NAV2: variants seen among roughly 807,000 people sequenced by gnomAD.
NAV2 encodes helicase, APC down-regulated 1.
A neutral mutation model predicts 223.2 loss-of-function variants in NAV2; 54 were observed. That is an observed-to-expected ratio of 0.24 (90% CI 0.19 to 0.30). The LOEUF (loss-of-function observed/expected upper bound fraction) is 0.30, where lower values mean the gene tolerates loss of function less well. Among genes scored for constraint, NAV2 ranks in the 10% least tolerant of loss-of-function variants. NAV2 has a pLI of 1.00. For missense variants in NAV2, 2,806 were observed against 3,147.5 expected, an observed-to-expected ratio of 0.89 and a Z score of 2.60; for synonymous variants, 1,279 against 1,239.3, an observed-to-expected ratio of 1.03 and a Z score of -0.67.
intron 1 of NAV2, among the ~76,000 whole-genome samples, chr11:19,828,655 A>AT (rs137970790): frequency 0.033 from 4,775 of 146,682 alleles, 204 homozygotes; most frequent in African/African-American, 0.11. Context: ...CACCCGGCTA[A>AT]TTTTTTGTGT....
In NAV2 at chr11:19,946,518, A is replaced by T; in HGVS notation, c.2255+9A>T. The T allele has an allele frequency of 2.5e-6, 4 of 1,605,414 alleles. No homozygotes were observed. The highest frequency in any genetic ancestry group is 3.4e-6 in the Non-Finnish European group (4 of 1,173,854). ...ACTCAGGTTACACACAGGTATCTGC[A>T]GTGTGAATTACTTTACTGAACTACC... On this transcript the variant is annotated intron_variant, in intron 9 of 37. Transcript: ENST00000349880.
chr11:19,713,564 T>C lies in NAV2; in HGVS notation c.-132T>C. ...CGAGTTCCCCGACCTGGGGATTTTT[T>C]TTTTAGCCGCTGGTGGTGGGCGCCT... On this transcript the variant is annotated 5_prime_UTR_variant, in exon 1 of 38. Transcript: ENST00000349880. The surrounding 1 kb of genome is among the most constrained non-coding windows in gnomAD (Gnocchi z 7.2). 1.4e-6 allele frequency: 2 copies of C among 1,400,324 alleles called. No individual in the cohort carries two copies. Among genetic ancestry groups the C allele is most frequent in the South Asian group, 1.7e-5 (1 of 57,170 alleles). 86.7% of individuals were successfully genotyped at this position (1,400,324 alleles called of 1,614,324 possible).
chr11:19,863,984 G>A (rs1190512327), intron 3 of NAV2, among the ~76,000 whole-genome samples: 1 of 152,200 alleles, frequency 6.6e-6, no homozygotes, highest in Admixed American at 6.5e-5. Flanking sequence ...ACTTCTGGGA[G>A]GAAGTTGAGT....
intron 12 of NAV2, among the ~76,000 whole-genome samples, chr11:20,042,569 G>A (rs1048676736): frequency 6.6e-6 from 1 of 152,182 alleles, no homozygotes; most frequent in Non-Finnish European, 1.5e-5. Context: ...AAGGGGAGAA[G>A]GGGTTGGGGT....
At chr11:19,859,137 C>CTCTTTTTTTTTTTTTT (rs1467179579) in intron 3 of NAV2, among the ~76,000 whole-genome samples, 2 of 107,110 alleles carry the variant, frequency 1.9e-5, no homozygotes, top group Non-Finnish European at 3.8e-5. Flanking sequence ...ATCATATTCT[C>CTCTTTTTTTTTTTTTT]TTTTTTTTTT....
At chr11:19,692,164 A>G (rs956190822) in intron 1 of NAV2, among the ~76,000 whole-genome samples, 10 of 152,146 alleles carry the variant, frequency 6.6e-5, no homozygotes, top group Non-Finnish European at 1.5e-4. Context: ...GAGCATGCAG[A>G]CTCACTGGGA....
At chr11:19,860,163 C>G (rs1241763398) in intron 3 of NAV2, among the ~76,000 whole-genome samples, 6 of 135,912 alleles carry the variant, frequency 4.4e-5, no homozygotes, top group South Asian at 2.4e-4. Context: ...GCTGGCCAGG[C>G]GGGGGGCTGA....
chr11:19,665,396 C>T (rs757954815), intron 1 of NAV2, among the ~76,000 whole-genome samples: 6 of 152,160 alleles, frequency 3.9e-5, no homozygotes, highest in Non-Finnish European at 7.3e-5. Flanking sequence ...GATGAGGGGG[C>T]GGTTGCCTGA....
At chr11:19,653,463 C>T (rs774844102) in intron 1 of NAV2, among the ~76,000 whole-genome samples, 1 of 152,228 alleles carries the variant, frequency 6.6e-6, no homozygotes, top group Non-Finnish European at 1.5e-5. Context: ...ATATTCCTCA[C>T]TGTACCCAGA....
At chr11:19,978,347 A>G (rs1039769847) in intron 10 of NAV2, among the ~76,000 whole-genome samples, 10 of 152,224 alleles carry the variant, frequency 6.6e-5, no homozygotes, top group African/African-American at 2.4e-4. Flanking sequence ...CTGTGAAAGC[A>G]TATGATGTTT....
intron 1 of NAV2, among the ~76,000 whole-genome samples, chr11:19,478,071 C>A (rs1245992708): frequency 1.3e-5 from 2 of 152,064 alleles, no homozygotes; most frequent in Non-Finnish European, 2.9e-5. Context: ...CTCAAAGAGC[C>A]CTTATACGGG....
intron 11 of NAV2, among the ~76,000 whole-genome samples, chr11:20,025,657 T>TG (rs1273647978): frequency 1.3e-5 from 2 of 152,210 alleles, no homozygotes; most frequent in African/African-American, 4.8e-5. Context: ...AAAGGTGCGG[T>TG]GGGGTGAAAC....
At chr11:19,596,173 T>C (rs1321839394) in intron 1 of NAV2, among the ~76,000 whole-genome samples, 2 of 152,180 alleles carry the variant, frequency 1.3e-5, no homozygotes, top group Non-Finnish European at 2.9e-5. Flanking sequence ...AAGGCTGGCA[T>C]GGGGAATGAT....
chr11:19,555,034 T>G (rs957457501), intron 1 of NAV2, among the ~76,000 whole-genome samples: 1 of 146,746 alleles, frequency 6.8e-6, no homozygotes, highest in African/African-American at 2.7e-5. Context: ...AAAAATCTTA[T>G]CTACCCATGT....
rs1353143858 is a variant in NAV2 at position 19,860,381 on chromosome 11, A to G, written c.439-8544A>G. ...GGGCGGCCGGGCAGAGACGCTCCTC[A>G]CATCCCGGACGGGGCGACAGGGCAG... On this transcript the variant is annotated intron_variant, in intron 3 of 37. Coordinates refer to ENST00000349880, the MANE Select transcript of NAV2 (RefSeq NM_145117.5). Among the ~76,000 whole-genome samples, 5 of 146,014 alleles carry G rather than the reference A, an allele frequency of 3.4e-5. No homozygotes were observed. The South Asian group carries it at 9.0e-4, about 26-fold the overall frequency.
intron 11 of NAV2, among the ~76,000 whole-genome samples, chr11:20,024,359 A>G (rs1474521693): frequency 6.6e-6 from 1 of 152,164 alleles, no homozygotes; most frequent in Non-Finnish European, 1.5e-5. Context: ...CTGGTTCAGG[A>G]AGACTTGATC....
chr11:19,457,041 T>A (rs1352929880), intron 1 of NAV2, among the ~76,000 whole-genome samples: 3 of 152,224 alleles, frequency 2.0e-5, no homozygotes, highest in African/African-American at 7.2e-5. Flanking sequence ...TCTTTTCATT[T>A]ATTTTTAAAT....
At chr11:20,112,276 C>T (rs7108158) in intron 36 of NAV2, among the ~76,000 whole-genome samples, 16,310 of 152,160 alleles carry the variant, frequency 0.11, 1,466 homozygotes, top group African/African-American at 0.25. Context: ...AATTGCTTTT[C>T]AAATGCCAGA....
intron 1 of NAV2, among the ~76,000 whole-genome samples, chr11:19,561,934 G>A (rs757644810): frequency 6.6e-6 from 1 of 152,142 alleles, no homozygotes; most frequent in Non-Finnish European, 1.5e-5. Flanking sequence ...TGGAGATGAG[G>A]GCTGAGGTCT....
Sources: gnomAD v4.1 joint callset for allele counts (sites outside exome capture counted in the v4.1 genomes callset) on GRCh38, gnomAD v4.1.1 for gene constraint, Gnocchi (gnomAD v3.1) non-coding constraint, MANE v1.5 for transcripts, NCBI Gene and HGNC (gene_info 2026-07-23, HGNC 2026-07-21) for gene names.